The following UMAD1 variants were observed in gnomAD, a reference collection of about 807,000 sequenced individuals.
The protein encoded by UMAD1 is UBAP1-MVB12-associated (UMA)-domain containing protein 1.
Under a neutral mutation model 6.1 loss-of-function variants are expected in UMAD1, and 8 were observed. The observed-to-expected ratio is 1.30, with a 90% CI of 0.76 to 2.35. UMAD1 has a LOEUF of 2.35. UMAD1 is among the 30% of genes most tolerant of loss of function. UMAD1 has a pLI of 0.00. For missense variants in UMAD1, 130 were observed against 78.4 expected (o/e 1.66, Z -2.49); for synonymous variants, 56 against 31.4 (o/e 1.78, Z -2.61).
chr7:7,869,901 T>C (rs1035942286), intron 3 of UMAD1, among the ~76,000 whole-genome samples: 8 of 152,178 alleles, frequency 5.3e-5, no homozygotes, highest in Admixed American at 2.6e-4. Context: ...GACTTCATTT[T>C]TCCAACCCTT....
intron 3 of UMAD1, among the ~76,000 whole-genome samples, chr7:7,863,139 T>C (rs895366173): frequency 8.5e-5 from 13 of 152,342 alleles, no homozygotes; most frequent in African/African-American, 2.9e-4. Flanking sequence ...ATAGTCTATA[T>C]GTGACTGTCA....
At chr7:7,801,988 C>G (rs1331312528) in intron 3 of UMAD1, among the ~76,000 whole-genome samples, 1 of 152,208 alleles carries the variant, frequency 6.6e-6, no homozygotes, top group Non-Finnish European at 1.5e-5. Flanking sequence ...AAATCAAGTC[C>G]TTAAGTTAAA....
At chr7:7,647,566 C>A (rs972126874) in intron 1 of UMAD1, among the ~76,000 whole-genome samples, 1 of 152,136 alleles carries the variant, frequency 6.6e-6, no homozygotes, top group Non-Finnish European at 1.5e-5. Context: ...TAGATGGTAG[C>A]ATTGTCAAAT....
intron 2 of UMAD1, among the ~76,000 whole-genome samples, chr7:7,793,089 G>A (rs1049916063): frequency 9.2e-5 from 14 of 152,184 alleles, no homozygotes; most frequent in African/African-American, 3.1e-4. Flanking sequence ...CGAGCGTGTC[G>A]CTAATTGCTA....
At chr7:7,732,805 T>C (rs750928940) in intron 2 of UMAD1, among the ~76,000 whole-genome samples, 4 of 152,154 alleles carry the variant, frequency 2.6e-5, no homozygotes, top group Non-Finnish European at 4.4e-5. Flanking sequence ...ACACCCTGAG[T>C]AGATGGGCAC....
intron 2 of UMAD1, among the ~76,000 whole-genome samples, chr7:7,745,582 G>T (rs1781556446): frequency 6.6e-6 from 1 of 152,192 alleles, no homozygotes; most frequent in Admixed American, 6.5e-5. Context: ...GCCATTCTCA[G>T]TAAGCTTATA....
At chr7:7,810,152 T>C (rs1782994520) in intron 3 of UMAD1, among the ~76,000 whole-genome samples, 1 of 152,038 alleles carries the variant, frequency 6.6e-6, no homozygotes, top group Non-Finnish European at 1.5e-5. Context: ...AATAAGTATA[T>C]TAATTTAAAG....
intron 2 of UMAD1, among the ~76,000 whole-genome samples, chr7:7,681,086 C>T (rs563722314): frequency 1.3e-5 from 2 of 152,146 alleles, no homozygotes; most frequent in East Asian, 1.9e-4. Context: ...TAAGTAAAAA[C>T]TTATAAACAT....
At chr7:7,655,519 G>A (rs1785319401) in intron 1 of UMAD1, among the ~76,000 whole-genome samples, 1 of 152,146 alleles carries the variant, frequency 6.6e-6, no homozygotes, top group South Asian at 2.1e-4. Context: ...CTCTATAATT[G>A]ATTTGTAGCT....
At chr7:7,739,728 T>C (rs1362275316) in intron 2 of UMAD1, among the ~76,000 whole-genome samples, 2 of 152,220 alleles carry the variant, frequency 1.3e-5, no homozygotes, top group East Asian at 3.9e-4. Context: ...TTTATACTAA[T>C]CGAGTTATTT....
At chr7:7,740,564 T>C (rs916090968) in intron 2 of UMAD1, 4 of 152,244 alleles carry the variant, frequency 2.6e-5, no homozygotes, top group Non-Finnish European at 5.9e-5. Context: ...TTTTGAAATT[T>C]AGTGAACAAA....
At chr7:7,777,203 C>T (rs746583162) in intron 2 of UMAD1, among the ~76,000 whole-genome samples, 1 of 151,922 alleles carries the variant, frequency 6.6e-6, no homozygotes, top group Non-Finnish European at 1.5e-5. Flanking sequence ...TCCAGACTTC[C>T]GCTTGTAAAA....
intron 2 of UMAD1, among the ~76,000 whole-genome samples, chr7:7,684,026 T>C (rs892368935): frequency 6.6e-6 from 1 of 152,230 alleles, no homozygotes; most frequent in African/African-American, 2.4e-5. Context: ...CTCAACGCTC[T>C]GATATAAAAG....
chr7:7,659,791 G>A (rs1401605601), intron 1 of UMAD1, among the ~76,000 whole-genome samples: 1 of 152,160 alleles, frequency 6.6e-6, no homozygotes, highest in Non-Finnish European at 1.5e-5. Context: ...ATTTGGGGTG[G>A]AGTGTTCTGT....
At chr7:7,866,235 T>A (rs903056690) in intron 3 of UMAD1, among the ~76,000 whole-genome samples, 1 of 152,198 alleles carries the variant, frequency 6.6e-6, no homozygotes, top group Non-Finnish European at 1.5e-5. Flanking sequence ...ATGTATTGAT[T>A]ATCTGTTATG....
chr7:7,659,426 T>C (rs1361923733), intron 1 of UMAD1, among the ~76,000 whole-genome samples: 1 of 152,218 alleles, frequency 6.6e-6, no homozygotes, highest in Non-Finnish European at 1.5e-5. Flanking sequence ...TTTCCCACTT[T>C]CTCTTGTTGG....
At chr7:7,778,307 A>C (rs988220599) in intron 2 of UMAD1, among the ~76,000 whole-genome samples, 78 of 151,504 alleles carry the variant, frequency 5.1e-4, no homozygotes, top group African/African-American at 1.8e-3. Context: ...ACAGAGAGAG[A>C]GCGTAAATAT....
chr7:7,783,108 G>A (rs1380710975), intron 2 of UMAD1, among the ~76,000 whole-genome samples: 1 of 152,150 alleles, frequency 6.6e-6, no homozygotes, highest in African/African-American at 2.4e-5. Flanking sequence ...CTTCTTTTGA[G>A]ATGGTGGTTT....
chr7:7,857,623 T>C (rs1784042771), intron 3 of UMAD1, among the ~76,000 whole-genome samples: 1 of 152,226 alleles, frequency 6.6e-6, no homozygotes, highest in African/African-American at 2.4e-5. Flanking sequence ...TTAGGTAAGG[T>C]AAACAGTTAT....
Sources: gnomAD v4.1 joint callset for allele counts (sites outside exome capture counted in the v4.1 genomes callset) on GRCh38, gnomAD v4.1.1 for gene constraint, MANE v1.5 for transcripts, NCBI Gene and HGNC (gene_info 2026-07-23, HGNC 2026-07-21) for gene names.